The following PPM1B variants were observed in gnomAD, a reference collection of about 807,000 sequenced individuals.
PPM1B encodes protein phosphatase, Mg2+/Mn2+ dependent 1B, also known as protein phosphatase 1B.
In PPM1B, 22 loss-of-function variants were observed where a neutral mutation model predicts 43.0. The ratio of observed to expected loss-of-function variants is 0.51; its 90% CI spans 0.37 to 0.73. PPM1B has a LOEUF of 0.73. Among genes scored for constraint, PPM1B ranks in the 30% least tolerant of loss-of-function variants. The probability of loss-of-function intolerance (pLI) is 0.00; values close to 1 mark genes in which losing one functional copy is unlikely to be tolerated. For missense variants in PPM1B, 632 were observed against 584.2 expected, an observed-to-expected ratio of 1.08 and a Z score of -0.84; for synonymous variants, 217 against 197.9, an observed-to-expected ratio of 1.10 and a Z score of -0.81.
intron 1 of PPM1B, among the ~76,000 whole-genome samples, chr2:44,195,380 C>T (rs904711360): frequency 1.4e-4 from 22 of 151,930 alleles, no homozygotes; most frequent in African/African-American, 5.3e-4. Flanking sequence ...ATATTTTTCC[C>T]CAATTTTTTT....
chr2:44,218,976 A>T (rs1333389670), intron 5 of PPM1B: 4 of 407,246 alleles, frequency 9.8e-6, no homozygotes, highest in Non-Finnish European at 1.9e-5. Flanking sequence ...CCCACTTGGA[A>T]TACCCGAGGA....
intron 1 of PPM1B, among the ~76,000 whole-genome samples, chr2:44,193,725 C>T (rs1295533024): frequency 2.6e-5 from 4 of 152,026 alleles, no homozygotes; most frequent in South Asian, 4.2e-4. Flanking sequence ...ATTACAGGCA[C>T]GTGCCACCAT....
intron 5 of PPM1B, among the ~76,000 whole-genome samples, chr2:44,221,848 G>A (rs1291840369): frequency 6.6e-6 from 1 of 152,046 alleles, no homozygotes; most frequent in Non-Finnish European, 1.5e-5. Context: ...TATATATTCA[G>A]AAAGGTTACT....
intron 1 of PPM1B, among the ~76,000 whole-genome samples, chr2:44,172,564 T>TA (rs959065295): frequency 6.6e-6 from 1 of 152,192 alleles, no homozygotes; most frequent in Non-Finnish European, 1.5e-5. Flanking sequence ...TACATTGAGT[T>TA]AAAAAAATGG....
chr2:44,193,488 G>A lies in PPM1B; in HGVS notation c.-14-7698G>A, dbSNP rs765369507. ...CCATCACTACAGTCTTGAACTCCTG[G>A]GCTAAGGCAGTCCTCCCGCTGTAGC... On this transcript the variant is annotated intron_variant, in intron 1 of 5. Coordinates refer to ENST00000282412, the MANE Select transcript of PPM1B (RefSeq NM_002706.6). Among the ~76,000 whole-genome samples, 53 of 152,084 alleles carry A rather than the reference G, an allele frequency of 3.5e-4. 1 individual carries two copies. Among genetic ancestry groups the A allele is most frequent in the South Asian group, 1.9e-3 (9 of 4,820 alleles).
chr2:44,240,956 A>G (rs1670731040), intron 5 of PPM1B, among the ~76,000 whole-genome samples: 1 of 145,948 alleles, frequency 6.9e-6, no homozygotes, highest in African/African-American at 2.5e-5. Flanking sequence ...ATTAATTCCA[A>G]AACACTTCAT....
chr2:44,178,169 T>C, intron 1 of PPM1B, among the ~76,000 whole-genome samples: 1 of 151,908 alleles, frequency 6.6e-6, no homozygotes, highest in East Asian at 1.9e-4. Context: ...ATCCACCTCC[T>C]TTGGCCTCCT....
downstream of PPM1B, among the ~76,000 whole-genome samples, chr2:44,245,180 G>A (rs1670833444): frequency 6.6e-6 from 1 of 152,060 alleles, no homozygotes; most frequent in Admixed American, 6.6e-5. Flanking sequence ...AATGATTTGT[G>A]GTTTTGTGTC....
chr2:44,203,583 G>A (rs549383803), intron 2 of PPM1B, among the ~76,000 whole-genome samples: 2 of 152,196 alleles, frequency 1.3e-5, no homozygotes, highest in Admixed American at 6.5e-5. Context: ...TTTCATTGTT[G>A]TGGTGTATAT....
intron 1 of PPM1B, among the ~76,000 whole-genome samples, chr2:44,199,210 A>G (rs1668804674): frequency 7.0e-6 from 1 of 143,446 alleles, no homozygotes; most frequent in Non-Finnish European, 1.5e-5. Flanking sequence ...GTGAGCCGAG[A>G]TTGTGCCGTT....
downstream of PPM1B, among the ~76,000 whole-genome samples, chr2:44,238,643 A>G (rs1280791691): frequency 1.3e-5 from 2 of 152,216 alleles, no homozygotes; most frequent in African/African-American, 4.8e-5. Context: ...CGGAGGTTGC[A>G]GTGAGCCAAA....
At chr2:44,244,308 A>G in exon 6 of PPM1B, 2 of 1,361,026 alleles carry the variant, frequency 1.5e-6, no homozygotes, top group Non-Finnish European at 2.0e-6. Flanking sequence ...AGACCTTCCA[A>G]GCACTCAGAA....
chr2:44,239,894 T>C (rs1572768564), intron 5 of PPM1B, among the ~76,000 whole-genome samples: 1 of 88,170 alleles, frequency 1.1e-5, no homozygotes, highest in Middle Eastern at 7.0e-3. Flanking sequence ...GTTTTTGTTT[T>C]TGTTTTTTTT....
chr2:44,221,361 C>G (rs1312194309), intron 5 of PPM1B, among the ~76,000 whole-genome samples: 1 of 152,120 alleles, frequency 6.6e-6, no homozygotes, highest in Non-Finnish European at 1.5e-5. Context: ...CTGAAAAATA[C>G]CGCAGAAGGA....
At chr2:44,177,647 T>C (rs1364545937) in intron 1 of PPM1B, among the ~76,000 whole-genome samples, 1 of 151,946 alleles carries the variant, frequency 6.6e-6, no homozygotes, top group Non-Finnish European at 1.5e-5. Flanking sequence ...CTCGAACTCC[T>C]GACCTCAAGA....
chr2:44,199,798 A>G (rs1668845855), intron 1 of PPM1B, among the ~76,000 whole-genome samples: 1 of 152,238 alleles, frequency 6.6e-6, no homozygotes. Flanking sequence ...TAATTTATTA[A>G]TACAGTATCA....
downstream of PPM1B, chr2:44,233,314 T>G: frequency 1.0e-6 from 1 of 966,826 alleles, no homozygotes; most frequent in Non-Finnish European, 1.2e-6. Flanking sequence ...ACTACAGAGA[T>G]ATTTTCATGG....
rs1053516488 is a variant in PPM1B at position 44,197,505 on chromosome 2, G to A, written c.-14-3681G>A. Among the ~76,000 whole-genome samples, 6 of 152,098 alleles carry A rather than the reference G, an allele frequency of 3.9e-5. No individual in the cohort carries two copies. In the East Asian group the frequency reaches 1.2e-3, roughly 29 times the overall value. On this transcript the variant is annotated intron_variant, in intron 1 of 5. Coordinates refer to ENST00000282412, the MANE Select transcript of PPM1B (RefSeq NM_002706.6). ...TTACTCTTCTGTTAACTAAACTCTA[G>A]TCTTTGGATTTCACCAGTTTTTCTA...
At chr2:44,225,182 G>A (rs1312390335) in intron 5 of PPM1B, among the ~76,000 whole-genome samples, 1 of 152,196 alleles carries the variant, frequency 6.6e-6, no homozygotes, top group Non-Finnish European at 1.5e-5. Flanking sequence ...AAAGTTCTTA[G>A]CACAAATATT....
Sources: gnomAD v4.1 joint callset for allele counts (sites outside exome capture counted in the v4.1 genomes callset) on GRCh38, gnomAD v4.1.1 for gene constraint, MANE v1.5 for transcripts, NCBI Gene and HGNC (gene_info 2026-07-23, HGNC 2026-07-21) for gene names.